SLC8A1: variants seen among roughly 807,000 people sequenced by gnomAD.
SLC8A1 encodes the protein sodium/calcium exchanger 1.
SLC8A1 carries 18 observed loss-of-function variants against 68.3 expected under a neutral mutation model. The observed-to-expected ratio is 0.26, with a 90% confidence interval of 0.18 to 0.39. SLC8A1 has a LOEUF of 0.39. SLC8A1 is among the 10% of genes least tolerant of loss of function. SLC8A1 has a pLI of 1.00. For missense variants in SLC8A1, 985 were observed against 1,156.7 expected (o/e 0.85, Z 2.15); for synonymous variants, 475 against 415.5 (o/e 1.14, Z -1.74).
intron 2 of SLC8A1, among the ~76,000 whole-genome samples, chr2:40,418,755 T>A (rs1386524103): frequency 6.6e-6 from 1 of 152,160 alleles, no homozygotes; most frequent in African/African-American, 2.4e-5. Flanking sequence ...CAGATTTGAG[T>A]TGTTCCTAAT....
At chr2:40,423,510 C>T (rs1475516781) in intron 2 of SLC8A1, among the ~76,000 whole-genome samples, 1 of 151,852 alleles carries the variant, frequency 6.6e-6, no homozygotes, top group Non-Finnish European at 1.5e-5. Context: ...CTCCTCTGCC[C>T]CTAACCCAGT....
rs1457159803 is a variant in SLC8A1 at position 40,307,201 on chromosome 2, CAG to C, written c.1808+121270_1808+121271del. Among the ~76,000 whole-genome samples the C allele has an allele frequency of 6.0e-5, 9 of 149,114 alleles. No homozygotes were observed. In the East Asian group the frequency reaches 9.7e-4, roughly 16 times the overall value. On this transcript the variant is annotated intron_variant, in intron 2 of 7. Coordinates refer to ENST00000406785, the Ensembl canonical transcript of SLC8A1. Reference sequence around the variant, plus strand: ...CATACACACACACACACCAATATAACAGAATGTTATTCAGCCTTAAAAAAGGA... The same window carrying C: ...CATACACACACACACACCAATATAACAATGTTATTCAGCCTTAAAAAAGGA...
At chr2:40,256,333 G>A (rs2063916456) in intron 2 of SLC8A1, among the ~76,000 whole-genome samples, 1 of 152,222 alleles carries the variant, frequency 6.6e-6, no homozygotes, top group South Asian at 2.1e-4. Context: ...TTACTCTAAT[G>A]TGTTTTAAGA....
intron 2 of SLC8A1, among the ~76,000 whole-genome samples, chr2:40,421,934 A>G (rs1695617069): frequency 6.6e-6 from 1 of 152,130 alleles, no homozygotes; most frequent in African/African-American, 2.4e-5. Context: ...GATTTCCTCT[A>G]ATGCTTCCCA....
At chr2:40,231,477 G>C (rs1037007769) in intron 2 of SLC8A1, among the ~76,000 whole-genome samples, 2 of 151,868 alleles carry the variant, frequency 1.3e-5, no homozygotes, top group African/African-American at 4.8e-5. Flanking sequence ...GCTATATCTA[G>C]TCCCCCACTT....
chr2:40,474,946 C>G (rs1704189271), intron 1 of SLC8A1, among the ~76,000 whole-genome samples: 1 of 152,022 alleles, frequency 6.6e-6, no homozygotes, highest in African/African-American at 2.4e-5. Context: ...AAAAATAAAT[C>G]ATTATTTGTT....
intron 2 of SLC8A1, among the ~76,000 whole-genome samples, chr2:40,319,677 G>T (rs1387263978): frequency 6.6e-6 from 1 of 152,002 alleles, no homozygotes; most frequent in African/African-American, 2.4e-5. Flanking sequence ...ACAGTAACAC[G>T]AAGTCTTCAT....
intron 2 of SLC8A1, among the ~76,000 whole-genome samples, chr2:40,330,905 C>A (rs1439101919): frequency 6.6e-6 from 1 of 152,134 alleles, no homozygotes; most frequent in African/African-American, 2.4e-5. Flanking sequence ...AATATCTAAT[C>A]TAATACAATC....
At chr2:40,510,873 G>C (rs897668714) in intron 1 of SLC8A1, among the ~76,000 whole-genome samples, 5 of 152,058 alleles carry the variant, frequency 3.3e-5, no homozygotes, top group African/African-American at 1.2e-4. Context: ...AATAATTATA[G>C]TGCACTATTG....
chr2:40,401,801 A>G (rs1285691631), intron 2 of SLC8A1, among the ~76,000 whole-genome samples: 1 of 152,130 alleles, frequency 6.6e-6, no homozygotes, highest in African/African-American at 2.4e-5. Context: ...GTGTGTGGTT[A>G]TGAGGTTAAT....
chr2:40,335,786 C>T (rs1665772975), intron 2 of SLC8A1, among the ~76,000 whole-genome samples: 1 of 152,146 alleles, frequency 6.6e-6, no homozygotes, highest in South Asian at 2.1e-4. Flanking sequence ...TGAGGCTCTG[C>T]CTTTGTCATG....
intron 2 of SLC8A1, among the ~76,000 whole-genome samples, chr2:40,367,130 A>C (rs1178289338): frequency 6.6e-6 from 1 of 151,996 alleles, no homozygotes; most frequent in Non-Finnish European, 1.5e-5. Context: ...GCCAGCCCCC[A>C]ACCTGCCAGT....
intron 2 of SLC8A1, among the ~76,000 whole-genome samples, chr2:40,280,278 GT>G (rs1193925428): frequency 1.5e-5 from 2 of 136,154 alleles, no homozygotes; most frequent in Non-Finnish European, 3.2e-5. Context: ...AAAAAAGGTT[GT>G]TTTCTCTTCC....
chr2:40,187,081 A>G (rs2050834704), intron 2 of SLC8A1, among the ~76,000 whole-genome samples: 1 of 152,202 alleles, frequency 6.6e-6, no homozygotes, highest in Non-Finnish European at 1.5e-5. Context: ...TGGGTCAGGA[A>G]ATATTCAATG....
At chr2:40,334,379 A>G (rs1665259952) in intron 2 of SLC8A1, among the ~76,000 whole-genome samples, 1 of 152,202 alleles carries the variant, frequency 6.6e-6, no homozygotes, top group East Asian at 1.9e-4. Flanking sequence ...TTTTATATAG[A>G]CATGACTTAA....
chr2:40,219,596 C>A (rs1007562332), intron 2 of SLC8A1, among the ~76,000 whole-genome samples: 5 of 152,154 alleles, frequency 3.3e-5, no homozygotes, highest in Admixed American at 3.3e-4. Flanking sequence ...AGAAAACTTA[C>A]AAACATTTTT....
intron 2 of SLC8A1, among the ~76,000 whole-genome samples, chr2:40,185,394 AAT>A (rs1236778724): frequency 6.6e-6 from 1 of 152,232 alleles, no homozygotes. Flanking sequence ...CACACAGGGG[AAT>A]ATTATTTTGC....
intron 1 of SLC8A1, among the ~76,000 whole-genome samples, chr2:40,480,000 G>C (rs2149911339): frequency 6.6e-6 from 1 of 152,224 alleles, no homozygotes; most frequent in Middle Eastern, 3.4e-3. Flanking sequence ...GGTTTCCACA[G>C]TGACTTGATT....
intron 2 of SLC8A1, among the ~76,000 whole-genome samples, chr2:40,385,332 G>A (rs1381139530): frequency 3.4e-5 from 5 of 146,416 alleles, no homozygotes. Context: ...CTCCTTCAGT[G>A]ATCAGCCACA....
Sources: allele counts gnomAD v4.1 joint callset (sites outside exome capture counted in the v4.1 genomes callset), GRCh38; gene constraint gnomAD v4.1.1; transcripts MANE v1.5; gene names NCBI Gene and HGNC (gene_info 2026-07-23, HGNC 2026-07-21).